The following CD99 variants were observed in gnomAD, a reference collection of about 807,000 sequenced individuals.
CD99 encodes CD99 antigen.
In CD99, 19 loss-of-function variants were observed where a neutral mutation model predicts 28.4. The observed-to-expected ratio is 0.67, with a 90% CI of 0.47 to 0.98. The LOEUF is 0.98. Ranked by LOEUF, CD99 falls within the 50% of genes least tolerant of loss-of-function variation. The probability of loss-of-function intolerance (pLI) is 0.00; values close to 1 mark genes in which losing one functional copy is unlikely to be tolerated. For missense variants in CD99, 283 were observed against 248.8 expected, an observed-to-expected ratio of 1.14 and a Z score of -0.92; for synonymous variants, 103 against 92.1, an observed-to-expected ratio of 1.12 and a Z score of -0.67.
At chrX:2,706,203 C>A (rs2048107384) in intron 1 of CD99, among the ~76,000 whole-genome samples, 1 of 151,436 alleles carries the variant, frequency 6.6e-6, no homozygotes, top group Non-Finnish European at 1.5e-5. Flanking sequence ...ACTAAAAATA[C>A]AAAAAAATCA....
intron 1 of CD99, among the ~76,000 whole-genome samples, chrX:2,709,494 GCA>G (rs1047083805): frequency 5.3e-5 from 8 of 152,208 alleles, no homozygotes; most frequent in African/African-American, 1.9e-4. Flanking sequence ...TGTGCATTCA[GCA>G]CACTCACAAT....
Position 2,741,174 on chromosome X carries a change from T to C in CD99, c.*370T>C, listed in dbSNP as rs746178136. ...ACAAATCACGTGTCCATCGAGCACG[T>C]CTGAAACCCCTGGTAGCCCCGACTT... On this transcript the variant is annotated 3_prime_UTR_variant, in exon 10 of 10. Transcript: ENST00000381192. The C allele has an allele frequency of 1.1e-5, 3 of 279,490 alleles. No homozygotes were observed. Among genetic ancestry groups the C allele is most frequent in the Non-Finnish European group, 2.0e-5 (3 of 150,436 alleles). 17.3% of individuals were successfully genotyped at this position (279,490 alleles called of 1,614,324 possible).
intron 1 of CD99, among the ~76,000 whole-genome samples, chrX:2,709,368 CAGAT>C (rs1169850549): frequency 4.6e-5 from 7 of 152,124 alleles, no homozygotes; most frequent in African/African-American, 1.2e-4. Flanking sequence ...GGTGTGTGCT[CAGAT>C]AGCACCCTCA....
chrX:2,691,349 T>A lies in CD99; in HGVS notation c.-12T>A. 6.4e-7 allele frequency: 1 copy of A among 1,559,692 alleles called. No individual in the cohort carries two copies. Among genetic ancestry groups the A allele is most frequent in the Non-Finnish European group, 8.6e-7 (1 of 1,163,382 alleles). On this transcript the variant is annotated 5_prime_UTR_variant, in exon 1 of 10. Transcript: ENST00000381192. ...GCACTCCGGGACCGTCCCTGCGCGC[T>A]CTGGGCGCACCATGGCCCGCGGGGC...
chrX:2,726,174 T>A, intron 7 of CD99, 86 bp from the exon 8 acceptor site: 1 of 777,234 alleles, frequency 1.3e-6, no homozygotes, highest in African/African-American at 1.7e-5. Context: ...GCTCTCAGAC[T>A]GACTGTCTCT....
intron 2 of CD99, chrX:2,717,336 A>G: frequency 2.2e-6 from 1 of 445,984 alleles, no homozygotes; most frequent in Non-Finnish European, 4.0e-6. Flanking sequence ...TAACAGAGCA[A>G]GACTTGGTCT....
chrX:2,691,711 C>A, intron 1 of CD99: 1 of 706,708 alleles, frequency 1.4e-6, no homozygotes, highest in South Asian at 1.5e-5. Flanking sequence ...TCCGATTTTT[C>A]CCAATCTAGG....
chrX:2,728,005 T>G (rs1208030438), intron 8 of CD99, among the ~76,000 whole-genome samples: 1 of 152,152 alleles, frequency 6.6e-6, no homozygotes, highest in Non-Finnish European at 1.5e-5. Flanking sequence ...TCTCCCATCA[T>G]TCCAGCATTT....
In CD99 at chrX:2,737,229, G is replaced by C. The variant is rs2049989066; in HGVS notation, c.476-971G>C. On this transcript the variant is annotated intron_variant, in intron 8 of 9. Coordinates refer to ENST00000381192, the MANE Select transcript of CD99 (RefSeq NM_002414.5). The stretch of plus-strand genomic sequence containing the variant: ...GTCTTGCTCTGTCACCCACGCTGGA[G>C]TGCAGTGCCACGATCTCAGCTCACT... Among the ~76,000 whole-genome samples, 4 of 152,144 alleles carry C rather than the reference G, an allele frequency of 2.6e-5. No individual in the cohort carries two copies. The South Asian group carries it at 8.3e-4, about 32-fold the overall frequency.
intron 7 of CD99, among the ~76,000 whole-genome samples, chrX:2,724,766 G>A (rs56175523): frequency 0.028 from 4,199 of 152,064 alleles, 193 homozygotes; most frequent in African/African-American, 0.096. Flanking sequence ...TTAGCTGGGC[G>A]TGTGCCATGC....
At chrX:2,736,823 C>T (rs180696791) in intron 8 of CD99, among the ~76,000 whole-genome samples, 399 of 151,542 alleles carry the variant, frequency 2.6e-3, no homozygotes, top group African/African-American at 9.2e-3. Context: ...CGCCACTGCA[C>T]TCCAGCCTGG....
chrX:2,698,271 G>A lies in CD99; in HGVS notation c.67+6844G>A, dbSNP rs2047672332. The stretch of plus-strand genomic sequence containing the variant: ...TGCAGTCTTGACCTCCTGGGTGCAG[G>A]TGAATCTCTCACCTCAGCCTTCCAA... On this transcript the variant is annotated intron_variant, in intron 1 of 9. Transcript: ENST00000381192. 2.6e-5 allele frequency among the ~76,000 whole-genome samples: 4 copies of A among 151,534 alleles called. No homozygotes were observed. In the South Asian group the frequency reaches 8.3e-4, roughly 31 times the overall value.
rs1264777003 is a variant in CD99 at position 2,708,459 on chromosome X, C to G, written c.68-5963C>G. ...ACCTTGGAGGCAGGGGACAGACTGACAGAGCCTTGAGCGATGGAAGCTGAG... is the reference window on the plus strand; with the variant it reads ...ACCTTGGAGGCAGGGGACAGACTGAGAGAGCCTTGAGCGATGGAAGCTGAG... On this transcript the variant is annotated intron_variant, in intron 1 of 9. Transcript: ENST00000381192. Among the ~76,000 whole-genome samples, 5 of 152,224 alleles carry G rather than the reference C, an allele frequency of 3.3e-5. No homozygotes were observed. The East Asian group carries it at 9.7e-4, about 29-fold the overall frequency.
intron 1 of CD99, among the ~76,000 whole-genome samples, chrX:2,696,107 A>G (rs1028112039): frequency 9.2e-5 from 14 of 152,274 alleles, no homozygotes; most frequent in Non-Finnish European, 1.5e-4. Context: ...AGTACCCTCA[A>G]CAAAGAACAG....
At chrX:2,708,481 T>TGAGGTCGAGGGCCC (rs1194766347) in intron 1 of CD99, among the ~76,000 whole-genome samples, 1 of 152,128 alleles carries the variant, frequency 6.6e-6, no homozygotes, top group Non-Finnish European at 1.5e-5. Context: ...CGATGGAAGC[T>TGAGGTCGAGGGCCC]GAGGTCGAGG....
rs190403905 is a variant in CD99 at position 2,711,470 on chromosome X, G to A, written c.68-2952G>A. On this transcript the variant is annotated intron_variant, in intron 1 of 9. Transcript: ENST00000381192. ...ATATATATATGTTTATTTGGGATAA[G>A]GAAAGGAAATCAGTATGTCAAAGAG... 1.1e-3 allele frequency among the ~76,000 whole-genome samples: 165 copies of A among 151,182 alleles called. No homozygotes were observed. In the East Asian group the frequency reaches 0.023, roughly 21 times the overall value.
At chrX:2,701,650 C>T (rs2047869591) in intron 1 of CD99, among the ~76,000 whole-genome samples, 2 of 152,232 alleles carry the variant, frequency 1.3e-5, no homozygotes, top group African/African-American at 2.4e-5. Context: ...TCATCTCAGA[C>T]TAGAGGAGCT....
At chrX:2,703,993 G>C (rs1355418455) in intron 1 of CD99, among the ~76,000 whole-genome samples, 1 of 152,070 alleles carries the variant, frequency 6.6e-6, no homozygotes, top group East Asian at 1.9e-4. Flanking sequence ...ACTCCTGAAG[G>C]CGGGGTCCTT....
intron 8 of CD99, 100 bp downstream of exon 8, chrX:2,726,473 A>G: frequency 1.3e-6 from 1 of 790,708 alleles, no homozygotes; most frequent in Non-Finnish European, 2.2e-6. Context: ...GGCACGAAAC[A>G]GGTGCACGAT....
Sources: gnomAD v4.1 joint callset for allele counts (sites outside exome capture counted in the v4.1 genomes callset) on GRCh38, gnomAD v4.1.1 for gene constraint, MANE v1.5 for transcripts, NCBI Gene and HGNC (gene_info 2026-07-23, HGNC 2026-07-21) for gene names.